The following ACOT13 variants were observed in gnomAD, a reference collection of about 807,000 sequenced individuals.
The protein encoded by ACOT13 is acyl-CoA thioesterase 13, also known as acyl-coenzyme A thioesterase 13.
ACOT13 carries 10 observed loss-of-function variants against 11.8 expected under a neutral mutation model. That is an observed-to-expected ratio of 0.85 (90% CI 0.53 to 1.44). The LOEUF is 1.44. Ranked by LOEUF, ACOT13 falls within the 40% of genes most tolerant of loss-of-function variation. The pLI is 0.00. For synonymous variants in ACOT13, 53 were observed against 61.0 expected, an observed-to-expected ratio of 0.87 and a Z score of 0.61; for missense variants, 172 against 174.1, an observed-to-expected ratio of 0.99 and a Z score of 0.07.
intron 1 of ACOT13, among the ~76,000 whole-genome samples, chr6:24,673,818 A>AT (rs1371802760): frequency 6.6e-6 from 1 of 152,176 alleles, no homozygotes; most frequent in Non-Finnish European, 1.5e-5. Flanking sequence ...ATCATATACA[A>AT]TTTTTTTAAA....
At chr6:24,678,332 A>G (rs889005464) in intron 1 of ACOT13, among the ~76,000 whole-genome samples, 1 of 152,168 alleles carries the variant, frequency 6.6e-6, no homozygotes, top group Non-Finnish European at 1.5e-5. Flanking sequence ...GTATAGAGGA[A>G]GAACAGCCTC....
rs571108304 is a variant in ACOT13 at position 24,683,280 on chromosome 6, G to A, written c.82-14603G>A. On this transcript the variant is annotated intron_variant, in intron 1 of 2. Transcript: ENST00000230048. ...CAGTTGGGCCCGGTGGCTCACGCCT[G>A]TAATCCCAGCACTTTGGGAGGCCAA... Among the ~76,000 whole-genome samples, 32 of 152,316 alleles carry A rather than the reference G, an allele frequency of 2.1e-4. 2 individuals are homozygous for A. The South Asian group carries it at 6.2e-3, about 30-fold the overall frequency.
chr6:24,669,660 G>A (rs895917697), intron 1 of ACOT13, among the ~76,000 whole-genome samples: 12 of 152,076 alleles, frequency 7.9e-5, no homozygotes, highest in African/African-American at 2.9e-4. Flanking sequence ...TTCCTAGACA[G>A]GTAAGTCCCA....
chr6:24,697,983 C>T lies in ACOT13; in HGVS notation c.182C>T (p.Ala61Val). The stretch of plus-strand genomic sequence containing the variant: ...GGCACTCTCCACGGCGGTTTGACAG[C>T]CACGTTAGTAGATAACATATCAACA... ...AIGTLHGGLT[A>V]TLVDNISTMA... The change falls in exon 2 of 3, where the codon GCC becomes GTC. Residue 61 changes from alanine to valine, a missense_variant. Ala to Val is a moderately conservative substitution (Grantham distance 64). Transcript: ENST00000230048. The T allele has an allele frequency of 1.2e-6, 2 of 1,614,012 alleles. No individual in the cohort carries two copies. The highest frequency in any genetic ancestry group is 1.7e-6 in the Non-Finnish European group (2 of 1,179,960).
intron 1 of ACOT13, among the ~76,000 whole-genome samples, chr6:24,676,959 C>T (rs1778464435): frequency 6.6e-6 from 1 of 152,208 alleles, no homozygotes; most frequent in Non-Finnish European, 1.5e-5. Context: ...TACTTAGAGT[C>T]TGTATATATA....
intron 1 of ACOT13, among the ~76,000 whole-genome samples, chr6:24,685,586 T>C (rs1778616871): frequency 6.6e-6 from 1 of 152,156 alleles, no homozygotes. Flanking sequence ...GACCTCATGA[T>C]CCACACGCCT....
chr6:24,675,003 T>TTGTGG (rs1165557253), intron 1 of ACOT13, among the ~76,000 whole-genome samples: 1 of 151,358 alleles, frequency 6.6e-6, no homozygotes, highest in Admixed American at 6.6e-5. Flanking sequence ...TTCCTTGAAA[T>TTGTGG]AGTTTGCTGA....
intron 1 of ACOT13, among the ~76,000 whole-genome samples, chr6:24,689,506 T>C (rs1354364263): frequency 6.6e-6 from 1 of 152,074 alleles, no homozygotes; most frequent in Non-Finnish European, 1.5e-5. Context: ...CTGTGATACA[T>C]TGGGAAGAGA....
rs1427327889 is a variant in ACOT13 at position 24,687,733 on chromosome 6, CAG to C, written c.82-10147_82-10146del. ...TTTTTTTTTTTTTTTTTTTTTGAGA[CAG>C]AGTCTCACTTTATTGCCCAGGCTGG... On this transcript the variant is annotated intron_variant, in intron 1 of 2. Transcript: ENST00000230048. 22 of 1,398,070 alleles carry C rather than the reference CAG, an allele frequency of 1.6e-5. No individual in the cohort carries two copies. The East Asian group carries it at 5.3e-4, about 34-fold the overall frequency. 86.6% of individuals were successfully genotyped at this position (1,398,070 alleles called of 1,614,324 possible). A position where few individuals can be genotyped will look rare whatever the true frequency, so the allele number is the denominator to read the frequency against.
At chr6:24,674,664 C>T (rs1778416389) in intron 1 of ACOT13, among the ~76,000 whole-genome samples, 1 of 152,142 alleles carries the variant, frequency 6.6e-6, no homozygotes, top group African/African-American at 2.4e-5. Context: ...GATCTGACTG[C>T]CTTGGCCTCC....
intron 2 of ACOT13, among the ~76,000 whole-genome samples, chr6:24,698,663 C>T (rs1322936516): frequency 1.4e-5 from 2 of 145,088 alleles, no homozygotes; most frequent in African/African-American, 2.6e-5. Context: ...TTTTTGGACA[C>T]GGAGTCTCCC....
chr6:24,674,890 C>T (rs1170265494), intron 1 of ACOT13, among the ~76,000 whole-genome samples: 3 of 125,428 alleles, frequency 2.4e-5, no homozygotes, highest in East Asian at 5.4e-4. Flanking sequence ...CCTCCCCCCA[C>T]CCCACGACAG....
At chr6:24,689,719 G>T (rs1778693476) in intron 1 of ACOT13, among the ~76,000 whole-genome samples, 1 of 152,052 alleles carries the variant, frequency 6.6e-6, no homozygotes, top group Non-Finnish European at 1.5e-5. Context: ...TATGTAAAAT[G>T]AATGTTTTTA....
chr6:24,701,902 T>G lies in ACOT13; in HGVS notation c.*287T>G. On this transcript the variant is annotated 3_prime_UTR_variant, in exon 3 of 3. Coordinates refer to ENST00000230048, the MANE Select transcript of ACOT13 (RefSeq NM_018473.4). ...TAGCAGGACCACTCTCAGTTAAGAT[T>G]AAAACTAAAGTCCAGTGTTAAGCTA... 1 of 274,522 alleles carries G rather than the reference T, an allele frequency of 3.6e-6. No homozygotes were observed. The highest frequency in any genetic ancestry group is 6.9e-6 in the Non-Finnish European group (1 of 145,348). The allele number at this position is 274,522 out of a possible 1,614,324, so 17.0% of individuals were successfully genotyped here.
chr6:24,698,762 C>T (rs1350897841), intron 2 of ACOT13, among the ~76,000 whole-genome samples: 1 of 151,954 alleles, frequency 6.6e-6, no homozygotes, highest in Non-Finnish European at 1.5e-5. Context: ...CTCAGCCTCC[C>T]TAGTAGCTGG....
chr6:24,678,963 C>T (rs910671352), intron 1 of ACOT13, among the ~76,000 whole-genome samples: 1 of 152,198 alleles, frequency 6.6e-6, no homozygotes, highest in South Asian at 2.1e-4. Flanking sequence ...CGGGCACCCT[C>T]AGTCCTGCTG....
intron 2 of ACOT13, 147 bp downstream of exon 2, chr6:24,698,214 A>AT (rs1435064326): frequency 1.4e-6 from 1 of 732,528 alleles, no homozygotes; most frequent in African/African-American, 1.8e-5. Flanking sequence ...GTCCTAAAAT[A>AT]TTCCAGCCTT....
At chr6:24,686,533 CTTTTT>C (rs141184686) in intron 1 of ACOT13, among the ~76,000 whole-genome samples, 2,963 of 151,802 alleles carry the variant, frequency 0.02, 93 homozygotes, top group African/African-American at 0.064. Context: ...GTGCCACACT[CTTTTT>C]TTTCTTTTCT....
chr6:24,695,366 G>A (rs1436018161), intron 1 of ACOT13, among the ~76,000 whole-genome samples: 1 of 152,080 alleles, frequency 6.6e-6, no homozygotes, highest in Admixed American at 6.5e-5. Flanking sequence ...CAAGCCGCTC[G>A]TATTTAGTTC....
Sources: allele counts gnomAD v4.1 joint callset (sites outside exome capture counted in the v4.1 genomes callset), GRCh38; gene constraint gnomAD v4.1.1; transcripts MANE v1.5; gene names NCBI Gene and HGNC (gene_info 2026-07-23, HGNC 2026-07-21).